CEP83: variants seen among roughly 807,000 people sequenced by gnomAD.
CEP83 encodes the protein centrosomal protein of 83 kDa.
In CEP83, 70 loss-of-function variants were observed where a neutral mutation model predicts 101.9. The ratio of observed to expected loss-of-function variants is 0.69; its 90% confidence interval spans 0.57 to 0.84. The LOEUF (loss-of-function observed/expected upper bound fraction) is 0.84. Among genes scored for constraint, CEP83 ranks in the 40% least tolerant of loss-of-function variants. CEP83 has a pLI of 0.00. For synonymous variants in CEP83, 264 were observed against 267.9 expected (o/e 0.99, Z 0.14); for missense variants, 715 against 787.2 (o/e 0.91, Z 1.10).
chr12:94,450,345 G>A (rs565640218), intron 1 of CEP83, among the ~76,000 whole-genome samples: 24 of 152,180 alleles, frequency 1.6e-4, no homozygotes, highest in East Asian at 1.5e-3. Flanking sequence ...TCCGCCTCCC[G>A]GGTTCACGCC....
intron 13 of CEP83, 35 bp downstream of exon 13, chr12:94,333,445 AAG>A (rs1408889545): frequency 6.3e-7 from 1 of 1,575,290 alleles, no homozygotes; most frequent in African/African-American, 1.4e-5. Flanking sequence ...ATATAGAAAA[AAG>A]AAAAAATAGT....
At chr12:94,285,280 A>G in the CEP83 span, among the ~76,000 whole-genome samples, 1 of 152,154 alleles carries the variant, frequency 6.6e-6, no homozygotes, top group African/African-American at 2.4e-5. Context: ...ACTCTGCCAG[A>G]TTCTCCCCTT....
At chr12:94,301,332 A>C in the CEP83 span, among the ~76,000 whole-genome samples, 2 of 152,226 alleles carry the variant, frequency 1.3e-5, no homozygotes, top group African/African-American at 4.8e-5. Context: ...TTTCCTAGAA[A>C]AATATTCTAT....
chr12:94,276,277 G>A, the CEP83 span, among the ~76,000 whole-genome samples: 30,892 of 151,960 alleles, frequency 0.2, 3,244 homozygotes, highest in Admixed American at 0.24. Context: ...GCAATTACCC[G>A]CCACCATGAG....
intron 11 of CEP83, among the ~76,000 whole-genome samples, chr12:94,360,959 C>T (rs2060723929): frequency 6.6e-6 from 1 of 152,062 alleles, no homozygotes; most frequent in Admixed American, 6.5e-5. Context: ...CACATATTTA[C>T]AGATAACTGA....
intron 11 of CEP83, among the ~76,000 whole-genome samples, chr12:94,337,639 C>T (rs981893980): frequency 3.3e-5 from 5 of 152,000 alleles, no homozygotes; most frequent in Admixed American, 1.3e-4. Context: ...TTATAACAGA[C>T]GTACAAGGAA....
rs139456558 is a variant in CEP83 at position 94,359,163 on chromosome 12, G to A, written c.1343+8631C>T. 9.2e-3 allele frequency among the ~76,000 whole-genome samples: 1,404 copies of A among 152,244 alleles called. 20 individuals are homozygous for A. The highest frequency in any genetic ancestry group is 0.032 in the African/African-American group (1,348 of 41,536). ...TGGTTTGCTGTTAATAAATATGTGG[G>A]TAAATCTCTGTTCAGGGCTCTCAGC... On this transcript the variant is annotated intron_variant, in intron 11 of 16. Transcript: ENST00000397809.
intron 14 of CEP83, among the ~76,000 whole-genome samples, chr12:94,329,818 GA>G (rs1299671873): frequency 6.6e-6 from 1 of 152,134 alleles, no homozygotes; most frequent in African/African-American, 2.4e-5. Flanking sequence ...GACATATACA[GA>G]AAAACAAACA....
At chr12:94,379,164 G>C (rs1182349146) in intron 6 of CEP83, 122 bp from the exon 7 acceptor site, 2 of 826,904 alleles carry the variant, frequency 2.4e-6, no homozygotes, top group African/African-American at 3.4e-5. Flanking sequence ...CTGAAACAAA[G>C]TACAAAGGAA....
At chr12:94,395,836 G>T (rs1335964492) in intron 6 of CEP83, among the ~76,000 whole-genome samples, 2 of 152,076 alleles carry the variant, frequency 1.3e-5, no homozygotes, top group Non-Finnish European at 2.9e-5. Flanking sequence ...AAAAAAAGAA[G>T]AAATAAACCC....
the CEP83 span, among the ~76,000 whole-genome samples, chr12:94,284,087 G>GAAAAAAA: frequency 3.6e-5 from 3 of 82,698 alleles, no homozygotes; most frequent in East Asian, 3.7e-4. Context: ...CATGTCAGGG[G>GAAAAAAA]AAAAAAAAAA....
the CEP83 span, chr12:94,298,614 ATGT>A: frequency 6.4e-7 from 1 of 1,568,998 alleles, no homozygotes; most frequent in African/African-American, 1.4e-5. Flanking sequence ...CCCAAATCTG[ATGT>A]TGTCTATCTT....
At chr12:94,400,825 G>A in intron 6 of CEP83, 25 bp downstream of exon 6, 1 of 1,348,054 alleles carries the variant, frequency 7.4e-7, no homozygotes, top group South Asian at 2.2e-5. Context: ...CAATAACAAA[G>A]AAACTCGTAT....
At chr12:94,284,343 C>G in the CEP83 span, among the ~76,000 whole-genome samples, 1 of 152,058 alleles carries the variant, frequency 6.6e-6, no homozygotes, top group African/African-American at 2.4e-5. Flanking sequence ...GTAAGTTCCT[C>G]CCAAAGTTAG....
intron 6 of CEP83, among the ~76,000 whole-genome samples, chr12:94,379,902 AT>A: frequency 6.6e-6 from 1 of 151,884 alleles, no homozygotes; most frequent in East Asian, 1.9e-4. Flanking sequence ...ATACGCTTCT[AT>A]TTTTAGTCTC....
intron 1 of CEP83, among the ~76,000 whole-genome samples, chr12:94,440,029 C>T (rs1438386451): frequency 6.6e-6 from 1 of 152,228 alleles, no homozygotes; most frequent in Non-Finnish European, 1.5e-5. Context: ...ATAGAAGGGA[C>T]ATACCTTAAG....
chr12:94,417,102 C>T (rs536716379), intron 2 of CEP83, among the ~76,000 whole-genome samples: 7 of 152,074 alleles, frequency 4.6e-5, no homozygotes, highest in African/African-American at 1.4e-4. Context: ...TTGGTTGAGA[C>T]CAGGAGTTCG....
At chr12:94,335,489 T>A in intron 12 of CEP83, 100 bp downstream of exon 12, 1 of 720,368 alleles carries the variant, frequency 1.4e-6, no homozygotes. Flanking sequence ...TGTGGTTAGA[T>A]TCTAAAAATA....
chr12:94,373,325 A>C (rs2061386469), intron 8 of CEP83, among the ~76,000 whole-genome samples: 1 of 152,190 alleles, frequency 6.6e-6, no homozygotes, highest in African/African-American at 2.4e-5. Context: ...AACTTTAATA[A>C]ATGTCAAAAC....
Sources: gnomAD v4.1 joint callset for allele counts (sites outside exome capture counted in the v4.1 genomes callset) on GRCh38, gnomAD v4.1.1 for gene constraint, MANE v1.5 for transcripts, NCBI Gene and HGNC (gene_info 2026-07-23, HGNC 2026-07-21) for gene names.